Variants in ADK observed in about 807,000 individuals in gnomAD.
ADK encodes adenosine kinase.
ADK carries 24 observed loss-of-function variants against 44.7 expected under a neutral mutation model. The ratio of observed to expected loss-of-function variants is 0.54; its 90% confidence interval spans 0.39 to 0.76. The LOEUF (loss-of-function observed/expected upper bound fraction) is 0.76. Ranked by LOEUF, ADK falls within the 30% of genes least tolerant of loss-of-function variation. The probability of loss-of-function intolerance (pLI) is 0.00; values close to 1 mark genes in which losing one functional copy is unlikely to be tolerated. For synonymous variants in ADK, 128 were observed against 142.6 expected (o/e 0.90, Z 0.73); for missense variants, 321 against 425.1 (o/e 0.76, Z 2.15).
At chr10:74,598,363 T>C (rs972705104) in intron 8 of ADK, among the ~76,000 whole-genome samples, 2 of 152,122 alleles carry the variant, frequency 1.3e-5, no homozygotes, top group Non-Finnish European at 2.9e-5. Flanking sequence ...GAAACATTTC[T>C]TTGATTAAAT....
chr10:74,475,049 C>T (rs543481554), intron 6 of ADK, among the ~76,000 whole-genome samples: 15 of 151,814 alleles, frequency 9.9e-5, no homozygotes, highest in East Asian at 9.8e-4. Context: ...CGCTTGAACC[C>T]GGGAGGCAGA....
intron 6 of ADK, among the ~76,000 whole-genome samples, chr10:74,409,919 A>G (rs577607375): frequency 2.0e-5 from 3 of 152,314 alleles, no homozygotes; most frequent in Non-Finnish European, 4.4e-5. Context: ...CTATGCCATG[A>G]GTAACAATTT....
At chr10:74,341,933 T>C (rs1420625951) in intron 4 of ADK, among the ~76,000 whole-genome samples, 1 of 152,198 alleles carries the variant, frequency 6.6e-6, no homozygotes, top group Non-Finnish European at 1.5e-5. Flanking sequence ...GCACAAATGA[T>C]ATCACTTCTT....
intron 3 of ADK, among the ~76,000 whole-genome samples, chr10:74,296,720 G>A (rs986524982): frequency 4.0e-5 from 6 of 149,844 alleles, no homozygotes; most frequent in African/African-American, 1.2e-4. Flanking sequence ...CACACCATTC[G>A]CCTGCCTCAG....
chr10:74,569,429 C>A (rs1212177377), intron 7 of ADK, among the ~76,000 whole-genome samples: 1 of 152,226 alleles, frequency 6.6e-6, no homozygotes, highest in African/African-American at 2.4e-5. Context: ...CACATCCTCT[C>A]CAGCACCTGC....
chr10:74,301,229 C>G (rs186262806), intron 3 of ADK, among the ~76,000 whole-genome samples: 1 of 152,100 alleles, frequency 6.6e-6, no homozygotes, highest in East Asian at 1.9e-4. Context: ...ATAACAGTAA[C>G]TTTGGCCAGG....
At chr10:74,460,572 CTAA>C (rs1164104151) in intron 6 of ADK, among the ~76,000 whole-genome samples, 1 of 152,094 alleles carries the variant, frequency 6.6e-6, no homozygotes, top group African/African-American at 2.4e-5. Context: ...TTAGCTTTTT[CTAA>C]TAATTCAGTT....
intron 4 of ADK, among the ~76,000 whole-genome samples, chr10:74,352,891 G>T (rs1434701530): frequency 6.6e-6 from 1 of 152,094 alleles, no homozygotes; most frequent in African/African-American, 2.4e-5. Context: ...TTAGAATGGC[G>T]ATCATTAAAA....
At chr10:74,432,177 G>T (rs1845024742) in intron 6 of ADK, among the ~76,000 whole-genome samples, 1 of 152,144 alleles carries the variant, frequency 6.6e-6, no homozygotes, top group Admixed American at 6.5e-5. Flanking sequence ...CTGAGCAACA[G>T]AATTTTTATT....
At chr10:74,398,415 G>T in intron 5 of ADK, 56 bp from the exon 6 acceptor site, 5 of 1,196,640 alleles carry the variant, frequency 4.2e-6, no homozygotes, top group South Asian at 1.4e-5. Flanking sequence ...ATTATCTATT[G>T]AAACATATGC....
Position 74,610,602 on chromosome 10 carries a change from T to TA in ADK, c.877+10117dup, listed in dbSNP as rs533881199. Among the ~76,000 whole-genome samples, 327 of 152,056 alleles carry TA rather than the reference T, an allele frequency of 2.2e-3. 2 individuals carry two copies. Among genetic ancestry groups the TA allele is most frequent in the Non-Finnish European group, 3.8e-3 (257 of 67,978 alleles). On this transcript the variant is annotated intron_variant, in intron 9 of 10. Coordinates refer to ENST00000539909, the MANE Select transcript of ADK (RefSeq NM_006721.4). ...TATTTTTTAAGCATATTTTTCAATT[T>TA]AAAAAAAATTAAACATAACCTAAAG...
At chr10:74,475,843 G>C (rs1040149945) in intron 6 of ADK, among the ~76,000 whole-genome samples, 31 of 151,680 alleles carry the variant, frequency 2.0e-4, no homozygotes, top group African/African-American at 7.5e-4. Context: ...AGGGAGGGAA[G>C]GTAGGTGGGA....
intron 8 of ADK, among the ~76,000 whole-genome samples, chr10:74,592,229 G>A (rs1308644800): frequency 6.6e-6 from 1 of 152,006 alleles, no homozygotes; most frequent in East Asian, 1.9e-4. Flanking sequence ...AATTTAAAAT[G>A]ACAATTCTTG....
chr10:74,251,337 C>A (rs1033976461), intron 3 of ADK, among the ~76,000 whole-genome samples: 1 of 152,280 alleles, frequency 6.6e-6, no homozygotes, highest in East Asian at 1.9e-4. Context: ...TTAAACCTCT[C>A]AAATCCTCAG....
intron 7 of ADK, among the ~76,000 whole-genome samples, chr10:74,588,422 A>G (rs1448229552): frequency 6.6e-6 from 1 of 152,210 alleles, no homozygotes; most frequent in Non-Finnish European, 1.5e-5. Flanking sequence ...TGTTAAAAAC[A>G]TTAAGCTAGT....
At chr10:74,313,932 A>G (rs1260159385) in intron 3 of ADK, among the ~76,000 whole-genome samples, 2 of 151,890 alleles carry the variant, frequency 1.3e-5, no homozygotes, top group South Asian at 2.1e-4. Context: ...TTGATTGCTC[A>G]GGTAATCCAT....
intron 7 of ADK, among the ~76,000 whole-genome samples, chr10:74,572,634 G>T (rs1471754792): frequency 6.6e-6 from 1 of 151,986 alleles, no homozygotes; most frequent in African/African-American, 2.4e-5. Flanking sequence ...TCACTTTCAG[G>T]TACACAAATC....
At chr10:74,594,192 G>A (rs978701393) in intron 8 of ADK, among the ~76,000 whole-genome samples, 2 of 151,784 alleles carry the variant, frequency 1.3e-5, no homozygotes, top group East Asian at 3.9e-4. Flanking sequence ...GTTGTGGGGT[G>A]GGGGGTTGGG....
At chr10:74,434,955 G>T (rs1284183762) in intron 6 of ADK, among the ~76,000 whole-genome samples, 5 of 152,176 alleles carry the variant, frequency 3.3e-5, no homozygotes, top group African/African-American at 1.2e-4. Context: ...CTGTAAACTA[G>T]TTATGCACAG....
Sources: gnomAD v4.1 joint callset for allele counts (sites outside exome capture counted in the v4.1 genomes callset) on GRCh38, gnomAD v4.1.1 for gene constraint, MANE v1.5 for transcripts, NCBI Gene and HGNC (gene_info 2026-07-23, HGNC 2026-07-21) for gene names.